Variants in TRPM6 observed in about 807,000 individuals in gnomAD.
TRPM6 encodes channel kinase 2.
In TRPM6, 111 loss-of-function variants were observed where a neutral mutation model predicts 247.6. The observed-to-expected ratio is 0.45, with a 90% CI of 0.38 to 0.52. TRPM6 has a LOEUF of 0.52. Ranked by LOEUF, TRPM6 falls within the 20% of genes least tolerant of loss-of-function variation. The pLI is 0.00. For synonymous variants in TRPM6, 892 were observed against 853.8 expected (o/e 1.04, Z -0.78); for missense variants, 2,126 against 2,421.5 (o/e 0.88, Z 2.56).
chr9:74,853,543 A>C (rs918046687), intron 3 of TRPM6, among the ~76,000 whole-genome samples: 1 of 152,192 alleles, frequency 6.6e-6, no homozygotes, highest in African/African-American at 2.4e-5. Context: ...GGATGCTGTT[A>C]ATCTATAACC....
intron 14 of TRPM6, chr9:74,804,546 G>T: frequency 2.7e-6 from 2 of 736,206 alleles, no homozygotes; most frequent in South Asian, 1.4e-5. Flanking sequence ...TGCTGCAAAC[G>T]CGGTGACCAA....
Position 74,821,853 on chromosome 9 carries a change from A to G in TRPM6, c.842-16T>C, listed in dbSNP as rs747555022. Reference sequence around the variant, plus strand: ...TGTCTTGAGCCTATTCCAGACCACAAACAATACCACACTGTTAGAGAATCC... The same window carrying G: ...TGTCTTGAGCCTATTCCAGACCACAGACAATACCACACTGTTAGAGAATCC... On this transcript the variant is annotated splice_polypyrimidine_tract_variant and intron_variant, in intron 7 of 38. Transcript: ENST00000360774. 6.2e-7 allele frequency: 1 copy of G among 1,613,922 alleles called. No homozygotes were observed. The highest frequency in any genetic ancestry group is 1.1e-5 in the South Asian group (1 of 91,078).
At chr9:74,788,263 AAAAC>A (rs1278637953) in intron 20 of TRPM6, among the ~76,000 whole-genome samples, 7 of 152,214 alleles carry the variant, frequency 4.6e-5, no homozygotes, top group African/African-American at 9.6e-5. Context: ...CCACCAAACA[AAAAC>A]AAACAAACAA....
At position 74,778,308 on chromosome 9, in the gene TRPM6, C is replaced by T. The variant is rs113223644; in HGVS notation, c.3210-2232G>A. Among the ~76,000 whole-genome samples the T allele has an allele frequency of 5.0e-3, 768 of 152,308 alleles. 5 individuals are homozygous for T. The highest frequency in any genetic ancestry group is 8.4e-3 in the Non-Finnish European group (574 of 68,022). On this transcript the variant is annotated intron_variant, in intron 23 of 38. Coordinates refer to ENST00000360774, the MANE Select transcript of TRPM6 (RefSeq NM_017662.5). Reference sequence around the variant, plus strand: ...TCCCCCTGTGGGAGGCCCCATCTGACCCTCTCCAGCCCATGGCTCTCTGCA... The same window carrying T: ...TCCCCCTGTGGGAGGCCCCATCTGATCCTCTCCAGCCCATGGCTCTCTGCA...
At chr9:74,806,136 G>A (rs1828518092) in intron 14 of TRPM6, among the ~76,000 whole-genome samples, 1 of 151,998 alleles carries the variant, frequency 6.6e-6, no homozygotes, top group Non-Finnish European at 1.5e-5. Context: ...GGGGGCAGGA[G>A]GTTGGCCATT....
intron 27 of TRPM6, among the ~76,000 whole-genome samples, chr9:74,757,216 G>A (rs1022419537): frequency 1.3e-5 from 2 of 151,684 alleles, no homozygotes; most frequent in African/African-American, 4.8e-5. Context: ...CCTAGAAAGA[G>A]AAGACCAGAG....
At chr9:74,748,817 T>C (rs1040301514) in intron 30 of TRPM6, among the ~76,000 whole-genome samples, 22 of 152,174 alleles carry the variant, frequency 1.4e-4, no homozygotes, top group Admixed American at 1.4e-3. Flanking sequence ...AAAAAAATTA[T>C]AGAAATTTAG....
chr9:74,755,523 C>G, intron 27 of TRPM6, 50 bp from the exon 28 acceptor site: 1 of 1,611,114 alleles, frequency 6.2e-7, no homozygotes, highest in Non-Finnish European at 8.5e-7. Context: ...TTCAAAAGCA[C>G]TGTGAGTCAC....
chr9:74,782,981 T>A, intron 21 of TRPM6, 128 bp from the exon 22 acceptor site: 1 of 885,414 alleles, frequency 1.1e-6, no homozygotes, highest in South Asian at 1.5e-5. Flanking sequence ...TAAAACACCC[T>A]TGTGCAGGAA....
intron 6 of TRPM6, among the ~76,000 whole-genome samples, chr9:74,828,449 G>T (rs184785209): frequency 2.1e-3 from 325 of 152,200 alleles, no homozygotes; most frequent in African/African-American, 7.5e-3. Flanking sequence ...TTAATGGACC[G>T]ATATGTGATC....
Position 74,767,162 on chromosome 9 carries a change from A to G in TRPM6, c.3537-4028T>C, listed in dbSNP as rs1826856247. 4.6e-5 allele frequency among the ~76,000 whole-genome samples: 7 copies of G among 152,214 alleles called. No individual in the cohort carries two copies. In the South Asian group the frequency reaches 1.4e-3, roughly 32 times the overall value. The stretch of plus-strand genomic sequence containing the variant: ...CCTCAGTAAGGTTTCATGGTCAAAT[A>G]GTGGTGGGACCTGCTTAAGCTATAA... On this transcript the variant is annotated intron_variant, in intron 25 of 38. Transcript: ENST00000360774.
rs371489735 is a variant in TRPM6, at chr9:74,792,741, A to G, written c.2421T>C (p.Asp807=). 2 of 1,613,894 alleles carry G rather than the reference A, an allele frequency of 1.2e-6. No individual in the cohort carries two copies. Among genetic ancestry groups the G allele is most frequent in the South Asian group, 2.2e-5 (2 of 91,066 alleles). ...AATGCTGATTTTCATCCAGTTTCTCATCATGGCCCCTTTCCAAATCATACT... is the reference window on the plus strand; with the variant it reads ...AATGCTGATTTTCATCCAGTTTCTCGTCATGGCCCCTTTCCAAATCATACT... ...VKEYDLERGH[D]EKLDENQHFG... Residue 807 remains aspartate, a synonymous_variant, in exon 19 of 39, where the codon GAT becomes GAC. Coordinates refer to ENST00000360774, the MANE Select transcript of TRPM6 (RefSeq NM_017662.5).
At chr9:74,870,247 G>T (rs1428930857) in intron 1 of TRPM6, among the ~76,000 whole-genome samples, 1 of 152,126 alleles carries the variant, frequency 6.6e-6, no homozygotes, top group Non-Finnish European at 1.5e-5. Context: ...TATCTCATTG[G>T]ATGCCCCATG....
intron 6 of TRPM6, among the ~76,000 whole-genome samples, chr9:74,828,928 A>G (rs981179342): frequency 1.3e-5 from 2 of 152,212 alleles, no homozygotes; most frequent in African/African-American, 4.8e-5. Flanking sequence ...TTATTCAAAA[A>G]TAGTGTCTTT....
chr9:74,845,569 GCCCGTAATT>G (rs940901875), intron 3 of TRPM6, among the ~76,000 whole-genome samples: 7 of 152,188 alleles, frequency 4.6e-5, no homozygotes, highest in African/African-American at 1.7e-4. Flanking sequence ...AGTGGCTCAC[GCCCGTAATT>G]CCAGCACATT....
At chr9:74,826,736 CTTTTTTTTTTT>C (rs561369498) in intron 7 of TRPM6, 2 of 52,074 alleles carry the variant, frequency 3.8e-5, no homozygotes, top group African/African-American at 8.0e-5. Context: ...CTTTTTCTTT[CTTTTTTTTTTT>C]TTTTTTTTTG....
intron 1 of TRPM6, chr9:74,887,286 G>C: frequency 7.4e-7 from 1 of 1,350,600 alleles, no homozygotes; most frequent in Non-Finnish European, 9.5e-7. Flanking sequence ...CTGGGCGCAC[G>C]GGGACGCGCA....
intron 17 of TRPM6, among the ~76,000 whole-genome samples, chr9:74,799,076 A>G (rs919170204): frequency 2.0e-5 from 3 of 152,200 alleles, no homozygotes; most frequent in African/African-American, 7.2e-5. Flanking sequence ...CCAAGGGTGC[A>G]ATCAAAGCAA....
At chr9:74,850,571 T>C (rs192366512) in intron 3 of TRPM6, among the ~76,000 whole-genome samples, 1 of 151,718 alleles carries the variant, frequency 6.6e-6, no homozygotes, top group Non-Finnish European at 1.5e-5. Flanking sequence ...AATACAAAAA[T>C]TATCCAGGTG....
Sources: gnomAD v4.1 joint callset for allele counts (sites outside exome capture counted in the v4.1 genomes callset) on GRCh38, gnomAD v4.1.1 for gene constraint, MANE v1.5 for transcripts, NCBI Gene and HGNC (gene_info 2026-07-23, HGNC 2026-07-21) for gene names.